The following ETV1 variants were observed in gnomAD, a reference collection of about 807,000 sequenced individuals.
The protein encoded by ETV1 is ETS translocation variant 1.
ETV1 carries 27 observed loss-of-function variants against 62.3 expected under a neutral mutation model. That is an observed-to-expected ratio of 0.43 (90% CI 0.32 to 0.60). The LOEUF (loss-of-function observed/expected upper bound fraction) is 0.60. Among genes scored for constraint, ETV1 ranks in the 20% least tolerant of loss-of-function variants. The probability of loss-of-function intolerance (pLI) is 0.06; values close to 1 mark genes in which losing one functional copy is unlikely to be tolerated. For synonymous variants in ETV1, 222 were observed against 199.6 expected (o/e 1.11, Z -0.94); for missense variants, 605 against 605.8 (o/e 1.00, Z 0.01).
At chr7:13,972,681 G>C (rs929201649) in intron 6 of ETV1, among the ~76,000 whole-genome samples, 3 of 152,104 alleles carry the variant, frequency 2.0e-5, no homozygotes, top group African/African-American at 7.2e-5. Context: ...TTATTGCTAA[G>C]GAATAAACAA....
At chr7:13,984,658 C>T (rs1334155828) in intron 5 of ETV1, among the ~76,000 whole-genome samples, 1 of 151,716 alleles carries the variant, frequency 6.6e-6, no homozygotes, top group African/African-American at 2.4e-5. Flanking sequence ...AATAGTAGTC[C>T]ACCTGGGAAT....
intron 9 of ETV1, among the ~76,000 whole-genome samples, chr7:13,918,797 C>T (rs947778809): frequency 1.8e-4 from 27 of 150,148 alleles, no homozygotes; most frequent in Non-Finnish European, 2.2e-4. Context: ...GTGGGTGCAG[C>T]GCACCAGCAT....
chr7:13,991,213 CATGGGTACT>C (rs1201196191), upstream of ETV1: 1 of 152,324 alleles, frequency 6.6e-6, no homozygotes, highest in African/African-American at 2.4e-5. Context: ...CAGTGAAGCT[CATGGGTACT>C]ATCTGAGGGT....
intron 6 of ETV1, among the ~76,000 whole-genome samples, chr7:13,960,493 G>GT (rs1790042712): frequency 6.6e-6 from 1 of 151,956 alleles, no homozygotes; most frequent in Admixed American, 6.6e-5. Flanking sequence ...TACTTACACA[G>GT]CTTAAAGAAG....
At chr7:13,930,736 C>T (rs982341909) in intron 9 of ETV1, among the ~76,000 whole-genome samples, 2 of 152,048 alleles carry the variant, frequency 1.3e-5, no homozygotes, top group African/African-American at 4.8e-5. Context: ...TCTGTTATTC[C>T]CCTCTTAATA....
chr7:13,987,673 A>G (rs1782669402), intron 4 of ETV1, among the ~76,000 whole-genome samples: 2 of 152,192 alleles, frequency 1.3e-5, no homozygotes, highest in African/African-American at 4.8e-5. Context: ...GTGGGAAACC[A>G]AACAATCACT....
chr7:13,984,307 A>G (rs918094768), intron 5 of ETV1, among the ~76,000 whole-genome samples: 7 of 152,030 alleles, frequency 4.6e-5, no homozygotes, highest in Admixed American at 1.3e-4. Context: ...TGGTCTGCCA[A>G]TTTGGCAATG....
rs971605664 is a variant in ETV1, at chr7:13,906,563, C to T, written c.977G>A (p.Gly326Glu). 4.9e-5 allele frequency: 79 copies of T among 1,611,748 alleles called. No individual in the cohort carries two copies. Among genetic ancestry groups the T allele is most frequent in the Non-Finnish European group, 6.7e-5 (79 of 1,179,022 alleles). The change falls in exon 12 of 14, where the codon GGA (glycine) becomes GAA (glutamate). Residue 326 changes from glycine to glutamate, a missense_variant. Around this residue, in one of 3 missense-constraint regions of ETV1, gnomAD observed 100 missense variants for 156.4 expected, o/e 0.64. Transcript: ENST00000430479. ...IKQEPGMYRE[G>E]PTYQRRGSLQ... The stretch of plus-strand genomic sequence containing the variant: ...TGATCCTCGCCGTTGGTATGTGGGT[C>T]CTTCCCGATACATTCCTGGCTCTTG...
chr7:13,934,525 G>A (rs570582892), intron 8 of ETV1, among the ~76,000 whole-genome samples: 5 of 152,208 alleles, frequency 3.3e-5, no homozygotes, highest in Non-Finnish European at 7.3e-5. Flanking sequence ...CTCAGGGCCA[G>A]TTTGCACTGA....
chr7:13,988,851 A>C lies in ETV1; in HGVS notation c.45+157T>G. 3.1e-6 allele frequency: 5 copies of C among 1,590,266 alleles called. No homozygotes were observed. In the South Asian group the frequency reaches 5.7e-5, roughly 18 times the overall value. On this transcript the variant is annotated intron_variant, in intron 3 of 13. Transcript: ENST00000430479. The stretch of plus-strand genomic sequence containing the variant: ...ACTGAAAGGTAAGCTCATTTTGAAG[A>C]CTGGGCTTCTAGAAGCAGAGTCGCC...
At chr7:13,914,443 T>C (rs1246069392) in intron 9 of ETV1, among the ~76,000 whole-genome samples, 2 of 152,040 alleles carry the variant, frequency 1.3e-5, no homozygotes, top group Non-Finnish European at 2.9e-5. Flanking sequence ...GCTGATCTAA[T>C]ATGCTGTAAA....
At position 13,894,503 on chromosome 7, in the gene ETV1, T is replaced by C. The variant is rs1781606172; in HGVS notation, c.*1363A>G. ...CAACTTCCTCATATTCTTTGACGGT[T>C]TGTAAATAATTTTCCATATCACCAA... On this transcript the variant is annotated 3_prime_UTR_variant, in exon 14 of 14. Coordinates refer to ENST00000430479, the MANE Select transcript of ETV1 (RefSeq NM_004956.5). 1 of 232,668 alleles carries C rather than the reference T, an allele frequency of 4.3e-6. No homozygotes were observed. The highest frequency in any genetic ancestry group is 5.6e-5 in the Admixed American group (1 of 17,758). 14.4% of individuals were successfully genotyped at this position (232,668 alleles called of 1,614,324 possible).
chr7:13,918,039 G>A (rs1784386938), intron 9 of ETV1, among the ~76,000 whole-genome samples: 1 of 152,014 alleles, frequency 6.6e-6, no homozygotes, highest in Admixed American at 6.6e-5. Flanking sequence ...ACAAAATTCT[G>A]AAGAGATAGT....
intron 6 of ETV1, among the ~76,000 whole-genome samples, chr7:13,952,606 ATT>A (rs1788959891): frequency 6.6e-6 from 1 of 152,182 alleles, no homozygotes; most frequent in Non-Finnish European, 1.5e-5. Context: ...TACGGTTAAC[ATT>A]TTAAAACACT....
rs985224768 is a variant in ETV1, at chr7:13,918,721, T to TGGTGG, written c.803-7419_803-7415dup. On this transcript the variant is annotated intron_variant, in intron 9 of 13. Coordinates refer to ENST00000430479, the MANE Select transcript of ETV1 (RefSeq NM_004956.5). ...GAGGAATATCACACTCTGGGGACTGTGGTGGGGTGGGGGGACGGGGGAGGG... is the reference window on the plus strand; with the variant it reads ...GAGGAATATCACACTCTGGGGACTGTGGTGGGGTGGGGTGGGGGGACGGGGGAGGG... Among the ~76,000 whole-genome samples, 13 of 101,452 alleles carry TGGTGG rather than the reference T, an allele frequency of 1.3e-4. No individual in the cohort carries two copies. The East Asian group carries it at 3.3e-3, about 25-fold the overall frequency. 66.6% of individuals were successfully genotyped at this position (101,452 alleles called of 152,430 possible).
At chr7:13,917,545 T>G (rs1784317791) in intron 9 of ETV1, among the ~76,000 whole-genome samples, 1 of 152,010 alleles carries the variant, frequency 6.6e-6, no homozygotes, top group South Asian at 2.1e-4. Context: ...TTTGAACTCC[T>G]GACCTCAGGT....
intron 11 of ETV1, among the ~76,000 whole-genome samples, chr7:13,909,382 A>T (rs1189617280): frequency 1.3e-5 from 2 of 152,160 alleles, no homozygotes; most frequent in Non-Finnish European, 2.9e-5. Context: ...CGCTACACAA[A>T]GCTCAGCAAG....
At chr7:13,975,107 A>G (rs1244024326) in intron 6 of ETV1, 1 of 152,244 alleles carries the variant, frequency 6.6e-6, no homozygotes, top group Non-Finnish European at 1.5e-5. Flanking sequence ...AATAATCAAA[A>G]TTAAATAAAG....
At position 13,935,909 on chromosome 7, in the gene ETV1, C is replaced by T; in HGVS notation, c.366-13G>A. ...CTGATCATAGGCACTACCCAGGGGA[C>T]AAAAGAAGAGAGAACATTTCTTTCT... On this transcript the variant is annotated splice_polypyrimidine_tract_variant and intron_variant, in intron 7 of 13. Coordinates refer to ENST00000430479, the MANE Select transcript of ETV1 (RefSeq NM_004956.5). The T allele has an allele frequency of 6.3e-7, 1 of 1,576,282 alleles. No homozygotes were observed. Among genetic ancestry groups the T allele is most frequent in the Non-Finnish European group, 8.6e-7 (1 of 1,158,008 alleles).
Sources: allele counts gnomAD v4.1 joint callset (sites outside exome capture counted in the v4.1 genomes callset), GRCh38; gene constraint gnomAD v4.1.1; regional missense constraint gnomAD v4.1.1; transcripts MANE v1.5; gene names NCBI Gene and HGNC (gene_info 2026-07-23, HGNC 2026-07-21).